Variants in PADI2 observed in about 807,000 individuals in gnomAD.
PADI2 encodes the protein peptidyl arginine deiminase 2.
PADI2 carries 70 observed loss-of-function variants against 81.1 expected under a neutral mutation model. That is an observed-to-expected ratio of 0.86 (90% CI 0.71 to 1.05). The LOEUF (loss-of-function observed/expected upper bound fraction) is 1.05. Ranked by LOEUF, PADI2 falls within the 50% of genes least tolerant of loss-of-function variation. PADI2 has a pLI of 0.00. For synonymous variants in PADI2, 338 were observed against 358.0 expected (o/e 0.94, Z 0.63); for missense variants, 853 against 889.9 (o/e 0.96, Z 0.53).
At position 17,093,675 on chromosome 1, in the gene PADI2, T is replaced by C; in HGVS notation, c.421A>G (p.Thr141Ala). The change falls in exon 5 of 16, where the codon ACC (threonine) becomes GCC (alanine). Residue 141 changes from threonine to alanine, a missense_variant. Physicochemically the swap from Thr to Ala is moderately conservative, Grantham distance 58. Transcript: ENST00000375486. Reference protein sequence around the residue: ...EKNNPKKASWTWGPEGQGAIL... With the variant: ...EKNNPKKASWAWGPEGQGAIL... ...GCCCCCTGGCCCTCGGGGCCCCAGG[T>C]CCAGGATGCCTACAGTGGCAGGAAG... 1 of 1,605,380 alleles carries C rather than the reference T, an allele frequency of 6.2e-7. No individual in the cohort carries two copies. Among genetic ancestry groups the C allele is most frequent in the East Asian group, 2.2e-5 (1 of 44,822 alleles).
chr1:17,071,439 G>A lies in PADI2; in HGVS notation c.1602C>T (p.Asn534=), dbSNP rs557806865. The A allele has an allele frequency of 1.9e-5, 31 of 1,614,068 alleles. No homozygotes were observed. The highest frequency in any genetic ancestry group is 1.1e-4 in the South Asian group (10 of 91,084). ...KRITINKILS[N]ESLVQENLYF... ...ACAGGTTCTCCTGCACAAGGCTCTC[G>A]TTGGACAGAATCTTGTTGATGGTGA... The change falls in exon 14 of 16, where the codon AAC becomes AAT. Residue 534 remains asparagine (N), a synonymous_variant. Transcript: ENST00000375486.
intron 13 of PADI2, among the ~76,000 whole-genome samples, chr1:17,073,575 A>G (rs1214718521): frequency 6.6e-6 from 1 of 152,156 alleles, no homozygotes; most frequent in Admixed American, 6.5e-5. Flanking sequence ...CATGTTGGAC[A>G]TAAGGATGGC....
chr1:17,076,794 G>A (rs1486080445), intron 11 of PADI2, among the ~76,000 whole-genome samples: 1 of 151,810 alleles, frequency 6.6e-6, no homozygotes, highest in Non-Finnish European at 1.5e-5. Context: ...GGCCAGGATG[G>A]TCTCGATCTC....
At chr1:17,079,895 G>A (rs952779909) in intron 10 of PADI2, among the ~76,000 whole-genome samples, 1 of 151,288 alleles carries the variant, frequency 6.6e-6, no homozygotes, top group Admixed American at 6.6e-5. Context: ...CTTGGTTCAA[G>A]TGATTCTCCT....
In PADI2 at chr1:17,070,141, C is replaced by T. The variant is rs140945853; in HGVS notation, c.1711G>A (p.Ala571Thr). The T allele has an allele frequency of 9.6e-5, 155 of 1,614,074 alleles. No homozygotes were observed. In the African/African-American group the frequency reaches 1.3e-3, roughly 13 times the overall value. Residue 571 changes from alanine (A) to threonine (T), a missense_variant, in exon 15 of 16, where the codon GCT (alanine) becomes ACT (threonine). Transcript: ENST00000375486. The part of the protein sequence containing the change: ...LTEQDIIDLP[A>T]LFKMDEDHRA... ...TGGTCCTCGTCCATCTTGAACAGAG[C>T]GGGCAGGTCAATGATGTCCTGCTCT...
intron 13 of PADI2, among the ~76,000 whole-genome samples, chr1:17,074,314 C>T (rs939656534): frequency 6.0e-5 from 9 of 150,598 alleles, no homozygotes; most frequent in African/African-American, 2.2e-4. Flanking sequence ...ATCGCTTGAA[C>T]CTGGGAGGCG....
Position 17,075,803 on chromosome 1 carries a change from G to A in PADI2, c.1331C>T (p.Thr444Ile), listed in dbSNP as rs781049472. The change falls in exon 12 of 16, where the codon ACC becomes ATC. Residue 444 changes from threonine (T) to isoleucine (I), a missense_variant. Thr to Ile is a moderately conservative substitution (Grantham distance 89). Transcript: ENST00000375486. ...CTTCAGGAAGTCACGCACCACCTTGGTCATCCTCCGACCACCAGACCTGGA... is the reference window on the plus strand; with the variant it reads ...CTTCAGGAAGTCACGCACCACCTTGATCATCCTCCGACCACCAGACCTGGA... Reference protein sequence around the residue: ...SFPLSGGRRMTKVVRDFLKAQ... With the variant: ...SFPLSGGRRMIKVVRDFLKAQ... 1 of 1,613,756 alleles carries A rather than the reference G, an allele frequency of 6.2e-7. No individual in the cohort carries two copies. Among genetic ancestry groups the A allele is most frequent in the Non-Finnish European group, 8.5e-7 (1 of 1,179,916 alleles).
intron 1 of PADI2, among the ~76,000 whole-genome samples, chr1:17,111,874 C>T (rs975080148): frequency 6.6e-6 from 1 of 152,062 alleles, no homozygotes; most frequent in African/African-American, 2.4e-5. Context: ...GGGGGTTAGT[C>T]CTGCATGTTC....
chr1:17,102,753 G>GGGC (rs1553183549), intron 3 of PADI2, among the ~76,000 whole-genome samples: 2 of 136,886 alleles, frequency 1.5e-5, no homozygotes, highest in Non-Finnish European at 3.0e-5. Flanking sequence ...TTGACACTTG[G>GGGC]GGGGGGGTTG....
chr1:17,097,037 C>T (rs1930961032), intron 3 of PADI2, among the ~76,000 whole-genome samples: 1 of 152,172 alleles, frequency 6.6e-6, no homozygotes, highest in Non-Finnish European at 1.5e-5. Flanking sequence ...GGCGAAATTG[C>T]CTTGAGTTGG....
chr1:17,112,528 G>T (rs976637451), intron 1 of PADI2, among the ~76,000 whole-genome samples: 1 of 151,930 alleles, frequency 6.6e-6, no homozygotes, highest in Non-Finnish European at 1.5e-5. Context: ...GAGTCTGGGG[G>T]GGGGAGTCGT....
chr1:17,104,431 CTT>C (rs1217484961), intron 2 of PADI2, among the ~76,000 whole-genome samples: 38 of 79,816 alleles, frequency 4.8e-4, no homozygotes, highest in African/African-American at 7.4e-4. Flanking sequence ...TTTGCCTTTT[CTT>C]TTTTTTTTTT....
chr1:17,095,915 T>C lies in PADI2; in HGVS notation c.405A>G (p.Pro135=). The change falls in exon 4 of 16, where the codon CCA becomes CCG. Residue 135 remains proline (P), a synonymous_variant. Coordinates refer to ENST00000375486, the MANE Select transcript of PADI2 (RefSeq NM_007365.3). ...DRDGVVEKNN[P]KKASWTWGPE... ...TGCCCTGAAAGCTAGGTACCTTCTT[T>C]GGGTTGTTCTTCTCCACCACACCAT... is the stretch of plus-strand genomic sequence containing the variant. The C allele has an allele frequency of 6.2e-7, 1 of 1,608,016 alleles. No homozygotes were observed. The highest frequency in any genetic ancestry group is 8.5e-7 in the Non-Finnish European group (1 of 1,177,208).
At chr1:17,116,830 C>T (rs139242519) in intron 1 of PADI2, among the ~76,000 whole-genome samples, 1 of 152,276 alleles carries the variant, frequency 6.6e-6, no homozygotes, top group African/African-American at 2.4e-5. Context: ...CTAATACCTC[C>T]TCCTGTTATC....
intron 2 of PADI2, among the ~76,000 whole-genome samples, chr1:17,104,019 A>C (rs1931246916): frequency 6.6e-6 from 1 of 150,834 alleles, no homozygotes; most frequent in Non-Finnish European, 1.5e-5. Context: ...GCGGTGGCTC[A>C]CGCCTGTAAT....
chr1:17,071,435 T>C lies in PADI2; in HGVS notation c.1606A>G (p.Ser536Gly). The C allele has an allele frequency of 6.2e-7, 1 of 1,614,050 alleles. No homozygotes were observed. Among genetic ancestry groups the C allele is most frequent in the Non-Finnish European group, 8.5e-7 (1 of 1,179,932 alleles). The stretch of plus-strand genomic sequence containing the variant: ...AAGTACAGGTTCTCCTGCACAAGGC[T>C]CTCGTTGGACAGAATCTTGTTGATG... ...ITINKILSNESLVQENLYFQR... is the reference protein window; with the variant it reads ...ITINKILSNEGLVQENLYFQR... Residue 536 changes from serine to glycine, a missense_variant, in exon 14 of 16, where the codon AGC becomes GGC. Coordinates refer to ENST00000375486, the MANE Select transcript of PADI2 (RefSeq NM_007365.3).
chr1:17,082,776 G>T lies in PADI2; in HGVS notation c.1051-124C>A. On this transcript the variant is annotated intron_variant, in intron 9 of 15. Coordinates refer to ENST00000375486, the MANE Select transcript of PADI2 (RefSeq NM_007365.3). ...ACGTCTGTCTTGTTCCCCATTCCCT[G>T]GTCCCCCATCCTCCTCCCCTCACAC... 4.8e-6 allele frequency: 3 copies of T among 621,800 alleles called. No individual in the cohort carries two copies. In the South Asian group the frequency reaches 5.8e-5, roughly 12 times the overall value. The allele number at this position is 621,800 out of a possible 1,614,324, so 38.5% of individuals were successfully genotyped here.
intron 10 of PADI2, 140 bp downstream of exon 10, chr1:17,082,405 T>G: frequency 1.5e-6 from 1 of 648,844 alleles, no homozygotes; most frequent in South Asian, 1.8e-5. Flanking sequence ...CTATCCCAAG[T>G]GGACTCATTT....
intron 6 of PADI2, among the ~76,000 whole-genome samples, chr1:17,090,809 G>A (rs1301757883): frequency 6.6e-6 from 1 of 152,094 alleles, no homozygotes; most frequent in East Asian, 1.9e-4. Context: ...CATCTCAGAT[G>A]GCAAGTGATG....
Sources: gnomAD v4.1 joint callset for allele counts (sites outside exome capture counted in the v4.1 genomes callset) on GRCh38, gnomAD v4.1.1 for gene constraint, MANE v1.5 for transcripts, NCBI Gene and HGNC (gene_info 2026-07-23, HGNC 2026-07-21) for gene names.